TNKS2: variants seen among roughly 807,000 people sequenced by gnomAD.
The protein encoded by TNKS2 is poly [ADP-ribose] polymerase tankyrase-2.
A neutral mutation model predicts 137.6 loss-of-function variants in TNKS2; 72 were observed. The observed-to-expected ratio is 0.52, with a 90% confidence interval of 0.43 to 0.64. The LOEUF is 0.64. Ranked by LOEUF, TNKS2 falls within the 30% of genes least tolerant of loss-of-function variation. TNKS2 has a pLI of 0.00. For missense variants in TNKS2, 1,049 were observed against 1,410.2 expected, an observed-to-expected ratio of 0.74 and a Z score of 4.10; for synonymous variants, 516 against 512.1, an observed-to-expected ratio of 1.01 and a Z score of -0.10.
chr10:91,803,459 T>G (rs574238217), intron 1 of TNKS2, among the ~76,000 whole-genome samples: 4 of 152,226 alleles, frequency 2.6e-5, no homozygotes, highest in Admixed American at 2.6e-4. Context: ...CTGGGCAACA[T>G]GGCGAAACCC....
chr10:91,798,549 G>T lies in TNKS2; in HGVS notation c.-142G>T. The T allele has an allele frequency of 9.8e-7, 1 of 1,020,576 alleles. No individual in the cohort carries two copies. The highest frequency in any genetic ancestry group is 1.2e-6 in the Non-Finnish European group (1 of 807,478). 63.2% of individuals were successfully genotyped at this position (1,020,576 alleles called of 1,614,324 possible). ...CGCGTGGGCGCGGCCATGGGACTGC[G>T]CCGGATCCGGTGACAGCAGGGAGCC... On this transcript the variant is annotated 5_prime_UTR_variant, in exon 1 of 27. Transcript: ENST00000371627.
At chr10:91,823,027 C>T (rs1033652636) in intron 7 of TNKS2, among the ~76,000 whole-genome samples, 8 of 146,788 alleles carry the variant, frequency 5.5e-5, no homozygotes, top group African/African-American at 2.0e-4. Context: ...CACTCCAGCG[C>T]AGGCAAGAGT....
chr10:91,863,003 G>A lies in TNKS2; in HGVS notation c.*4G>A, dbSNP rs1483883930. On this transcript the variant is annotated 3_prime_UTR_variant, in exon 27 of 27. Transcript: ENST00000371627. ...TGAAGGTATGGTCGATGGATAAATA[G>A]TTATTTTAAGAAACTAATTCCACTG... 1 of 1,594,298 alleles carries A rather than the reference G, an allele frequency of 6.3e-7. No individual in the cohort carries two copies. Among genetic ancestry groups the A allele is most frequent in the African/African-American group, 1.3e-5 (1 of 74,374 alleles).
intron 12 of TNKS2, among the ~76,000 whole-genome samples, chr10:91,836,260 T>G (rs1842016226): frequency 6.6e-6 from 1 of 152,110 alleles, no homozygotes; most frequent in Non-Finnish European, 1.5e-5. Context: ...TGATGTACTG[T>G]TCAAAGAAGC....
At chr10:91,816,221 T>G (rs957745359) in intron 2 of TNKS2, among the ~76,000 whole-genome samples, 1 of 152,204 alleles carries the variant, frequency 6.6e-6, no homozygotes, top group Non-Finnish European at 1.5e-5. Context: ...GTGCTGAGAT[T>G]ACAGGCGTGA....
At position 91,802,704 on chromosome 10, in the gene TNKS2, C is replaced by G. The variant is rs763670049; in HGVS notation, c.199+3815C>G. Among the ~76,000 whole-genome samples, 98 of 152,364 alleles carry G rather than the reference C, an allele frequency of 6.4e-4. 1 individual carries two copies. The highest frequency in any genetic ancestry group is 1.2e-3 in the Non-Finnish European group (80 of 68,036). On this transcript the variant is annotated intron_variant, in intron 1 of 26. Coordinates refer to ENST00000371627, the MANE Select transcript of TNKS2 (RefSeq NM_025235.4). ...CCATTGGAGACCTCCAATAACCTCT[C>G]AGTAACATTTTCTTCTTTGGCTGTA...
intron 3 of TNKS2, among the ~76,000 whole-genome samples, chr10:91,817,589 A>C (rs1844749622): frequency 6.6e-6 from 1 of 152,154 alleles, no homozygotes; most frequent in Non-Finnish European, 1.5e-5. Context: ...CCCAAACTTC[A>C]AAACACTTCT....
At chr10:91,851,150 A>T in intron 20 of TNKS2, 66 bp from the exon 21 acceptor site, 1 of 1,560,684 alleles carries the variant, frequency 6.4e-7, no homozygotes, top group Non-Finnish European at 8.7e-7. Context: ...ATATTATGAA[A>T]ACACCAATAT....
At chr10:91,847,390 A>G (rs564916716) in intron 18 of TNKS2, among the ~76,000 whole-genome samples, 1 of 152,118 alleles carries the variant, frequency 6.6e-6, no homozygotes, top group South Asian at 2.1e-4. Flanking sequence ...TTGAGATGGA[A>G]GTCTCACTCT....
At chr10:91,803,819 C>A (rs1844247978) in intron 1 of TNKS2, among the ~76,000 whole-genome samples, 1 of 152,036 alleles carries the variant, frequency 6.6e-6, no homozygotes, top group South Asian at 2.1e-4. Context: ...TGGACAAAAC[C>A]CTGTGTGATA....
In TNKS2 at chr10:91,856,088, A is replaced by G. The variant is rs570892603; in HGVS notation, c.2988+400A>G. Among the ~76,000 whole-genome samples, 6 of 152,290 alleles carry G rather than the reference A, an allele frequency of 3.9e-5. No homozygotes were observed. In the South Asian group the frequency reaches 1.0e-3, roughly 26 times the overall value. On this transcript the variant is annotated intron_variant, in intron 23 of 26. Transcript: ENST00000371627. ...TCCTGATTGACTACAGGTTTCTGAA[A>G]GTCCCCAAATATATTATCTTTTTAT...
At chr10:91,831,989 A>G (rs1408130971) in intron 11 of TNKS2, among the ~76,000 whole-genome samples, 1 of 152,208 alleles carries the variant, frequency 6.6e-6, no homozygotes. Context: ...AAACGCTTCC[A>G]TAAATGAAAT....
intron 7 of TNKS2, among the ~76,000 whole-genome samples, chr10:91,824,134 G>A (rs1169238975): frequency 1.3e-5 from 2 of 152,324 alleles, no homozygotes; most frequent in African/African-American, 4.8e-5. Flanking sequence ...CCTACAGAGG[G>A]AGTTAGCTAA....
intron 21 of TNKS2, among the ~76,000 whole-genome samples, chr10:91,853,171 G>A (rs551387006): frequency 6.6e-6 from 1 of 152,292 alleles, no homozygotes; most frequent in Admixed American, 6.5e-5. Flanking sequence ...CAGTATTTGT[G>A]TATTAAACAT....
chr10:91,825,264 T>C (rs1190302434), intron 7 of TNKS2, among the ~76,000 whole-genome samples: 1 of 151,780 alleles, frequency 6.6e-6, no homozygotes, highest in Non-Finnish European at 1.5e-5. Flanking sequence ...CCACCACACA[T>C]GTTAATCTTT....
intron 21 of TNKS2, among the ~76,000 whole-genome samples, chr10:91,854,544 A>G (rs913197221): frequency 2.0e-5 from 3 of 152,196 alleles, no homozygotes; most frequent in African/African-American, 7.2e-5. Flanking sequence ...TGAAGGGTAC[A>G]TAGGAACTCT....
In TNKS2 at chr10:91,807,437, C is replaced by T. The variant is rs191106267; in HGVS notation, c.200-5546C>T. 9.3e-6 allele frequency: 15 copies of T among 1,613,606 alleles called. 1 individual carries two copies. The East Asian group carries it at 3.3e-4, about 36-fold the overall frequency. ...ACTCCTCCCAGGTCTGGTACTGCGG[C>T]ATCGTGGCCTAGAGTGGAAAAGTAA... On this transcript the variant is annotated intron_variant, in intron 1 of 26. Transcript: ENST00000371627.
chr10:91,807,189 T>C (rs1254706732), intron 1 of TNKS2: 5 of 1,607,234 alleles, frequency 3.1e-6, no homozygotes, highest in Non-Finnish European at 4.3e-6. Flanking sequence ...TCACTCAGTT[T>C]CCATGGTAAC....
Position 91,822,373 on chromosome 10 carries a change from T to C in TNKS2, c.795+11T>C, listed in dbSNP as rs770648801. 6.3e-7 allele frequency: 1 copy of C among 1,599,204 alleles called. No homozygotes were observed. Among genetic ancestry groups the C allele is most frequent in the Non-Finnish European group, 8.6e-7 (1 of 1,166,912 alleles). On this transcript the variant is annotated intron_variant, in intron 7 of 26. Coordinates refer to ENST00000371627, the MANE Select transcript of TNKS2 (RefSeq NM_025235.4). The stretch of plus-strand genomic sequence containing the variant: ...GAACTTTTGGTCAAGGTTAGTGCTC[T>C]TGTACTCTCCTAATTACTTTCTAGA...
Sources: gnomAD v4.1 joint callset for allele counts (sites outside exome capture counted in the v4.1 genomes callset) on GRCh38, gnomAD v4.1.1 for gene constraint, MANE v1.5 for transcripts, NCBI Gene and HGNC (gene_info 2026-07-23, HGNC 2026-07-21) for gene names.